The following COPS5 variants were observed in gnomAD, a reference collection of about 807,000 sequenced individuals.
COPS5 encodes the protein COP9 signalosome subunit 5.
COPS5 carries 8 observed loss-of-function variants against 44.4 expected under a neutral mutation model. That is an observed-to-expected ratio of 0.18 (90% CI 0.11 to 0.32). The LOEUF is 0.32. Ranked by LOEUF, COPS5 falls within the 10% of genes least tolerant of loss-of-function variation. The pLI is 1.00. For missense variants in COPS5, 159 were observed against 406.4 expected, an observed-to-expected ratio of 0.39 and a Z score of 5.23; for synonymous variants, 122 against 142.8, an observed-to-expected ratio of 0.85 and a Z score of 1.04.
chr8:67,044,148 T>G (rs970628728), intron 7 of COPS5: 2 of 152,136 alleles, frequency 1.3e-5, no homozygotes, highest in Non-Finnish European at 2.9e-5. Flanking sequence ...GCTCCAGTGA[T>G]TCTTGTGCCT....
chr8:67,050,861 T>C (rs1804404168), intron 6 of COPS5, among the ~76,000 whole-genome samples: 2 of 152,136 alleles, frequency 1.3e-5, no homozygotes, highest in Non-Finnish European at 2.9e-5. Context: ...CTTACACAAT[T>C]CCCTTTCTTG....
rs1467474459 is a variant in COPS5, at chr8:67,062,129, C to G, written c.-133G>C. ...ACCTAGACTCTTGGGGCAGCCATGA[C>G]ACCTAGAACCGGAGGTGAAGTTGGT... On this transcript the variant is annotated 5_prime_UTR_variant, in exon 1 of 8. Transcript: ENST00000357849. The G allele has an allele frequency of 1.3e-6, 2 of 1,544,522 alleles. No homozygotes were observed. Among genetic ancestry groups the G allele is most frequent in the South Asian group, 1.2e-5 (1 of 84,704 alleles).
intron 5 of COPS5, among the ~76,000 whole-genome samples, chr8:67,054,277 T>C (rs1189141054): frequency 1.3e-5 from 2 of 152,142 alleles, no homozygotes; most frequent in East Asian, 3.8e-4. Flanking sequence ...ACATAAACTG[T>C]CTCAATCTTT....
chr8:67,046,616 T>A (rs1008490047), intron 6 of COPS5, among the ~76,000 whole-genome samples: 2 of 151,212 alleles, frequency 1.3e-5, no homozygotes, highest in Admixed American at 6.6e-5. Context: ...AGGTCAGGAG[T>A]TCGAGACCAG....
intron 1 of COPS5, 58 bp downstream of exon 1, chr8:67,061,796 G>T: frequency 1.9e-6 from 3 of 1,563,372 alleles, no homozygotes; most frequent in Non-Finnish European, 2.6e-6. Flanking sequence ...TCTCCCTCTG[G>T]GTCTCTTAAA....
At chr8:67,054,590 G>A (rs949280308) in intron 5 of COPS5, among the ~76,000 whole-genome samples, 2 of 152,116 alleles carry the variant, frequency 1.3e-5, no homozygotes, top group African/African-American at 4.8e-5. Context: ...AAAGAGAATT[G>A]TATTTACAGA....
Position 67,051,213 on chromosome 8 carries a change from A to G in COPS5, c.771+17T>C, listed in dbSNP as rs762102403. The G allele has an allele frequency of 7.2e-6, 10 of 1,387,964 alleles. No individual in the cohort carries two copies. The highest frequency in any genetic ancestry group is 1.2e-5 in the South Asian group (1 of 86,598). 86.0% of individuals were successfully genotyped at this position (1,387,964 alleles called of 1,614,324 possible). A position where few individuals can be genotyped will look rare whatever the true frequency, so the allele number is the denominator to read the frequency against. ...TAGATAAAATTCAAATGCATTCTTT[A>G]CAAGTATAGTACTTACAGTAAGCAA... is the stretch of plus-strand genomic sequence containing the variant. On this transcript the variant is annotated intron_variant, in intron 6 of 7. Transcript: ENST00000357849.
chr8:67,056,916 T>C (rs915238349), intron 4 of COPS5, among the ~76,000 whole-genome samples: 18 of 151,978 alleles, frequency 1.2e-4, no homozygotes, highest in African/African-American at 3.9e-4. Context: ...CTAATAACTA[T>C]TTCAGATTGC....
At chr8:67,058,318 T>C (rs1024821757) in intron 2 of COPS5, 107 bp from the exon 3 acceptor site, 2 of 1,094,434 alleles carry the variant, frequency 1.8e-6, no homozygotes, top group Non-Finnish European at 1.3e-6. Context: ...TCTCCTCAAT[T>C]ACCCACTTTT....
rs761774214 is a variant in COPS5, at chr8:67,062,087, C to CT, written c.-92_-91insA. 3 of 1,591,916 alleles carry CT rather than the reference C, an allele frequency of 1.9e-6. No homozygotes were observed. Among genetic ancestry groups the CT allele is most frequent in the Non-Finnish European group, 2.6e-6 (3 of 1,171,448 alleles). ...GGGTGTGGGCCTTGACCCTCCGCACCACGGGAACAAACTCTTACCTAGACT... is the reference window on the plus strand; with the variant it reads ...GGGTGTGGGCCTTGACCCTCCGCACCTACGGGAACAAACTCTTACCTAGACT... On this transcript the variant is annotated 5_prime_UTR_variant, in exon 1 of 8. Transcript: ENST00000357849.
chr8:67,049,949 C>T (rs1292908102), intron 6 of COPS5, among the ~76,000 whole-genome samples: 2 of 151,526 alleles, frequency 1.3e-5, no homozygotes, highest in African/African-American at 2.4e-5. Context: ...TAATATCCTA[C>T]CAAATATGTT....
In COPS5 at chr8:67,051,118, GGT is replaced by G. The variant is rs538548070; in HGVS notation, c.771+110_771+111del. 8.2e-4 allele frequency: 590 copies of G among 719,172 alleles called. 2 individuals are homozygous for G. The highest frequency in any genetic ancestry group is 4.8e-3 in the Middle Eastern group (19 of 3,944). The allele number at this position is 719,172 out of a possible 1,614,324, so 44.5% of individuals were successfully genotyped here. A position where few individuals can be genotyped will look rare whatever the true frequency, so the allele number is the denominator to read the frequency against. On this transcript the variant is annotated intron_variant, in intron 6 of 7. Transcript: ENST00000357849. ...TGGTGCAGAATCCCACCCTAGCCCT[GGT>G]GTCTTGGCCAAGTCAGGTATAGCCT...
intron 2 of COPS5, among the ~76,000 whole-genome samples, chr8:67,058,420 T>C (rs1461584008): frequency 6.6e-6 from 1 of 152,198 alleles, no homozygotes; most frequent in Non-Finnish European, 1.5e-5. Flanking sequence ...CATACATAGA[T>C]TGATAAAAAC....
intron 5 of COPS5, among the ~76,000 whole-genome samples, chr8:67,052,725 C>A (rs1418044643): frequency 6.7e-6 from 1 of 148,692 alleles, no homozygotes; most frequent in Non-Finnish European, 1.5e-5. Context: ...GAGACGGAGG[C>A]AGAAGAATCG....
intron 5 of COPS5, among the ~76,000 whole-genome samples, chr8:67,054,095 C>G (rs1194191125): frequency 6.6e-6 from 1 of 151,800 alleles, no homozygotes; most frequent in East Asian, 1.9e-4. Context: ...GTAGCTATCC[C>G]TCTTTGGTAG....
At position 67,061,922 on chromosome 8, in the gene COPS5, G is replaced by C; in HGVS notation, c.75C>G (p.Ile25Met). Residue 25 changes from isoleucine (I) to methionine (M), a missense_variant, in exon 1 of 8, where the codon ATC (isoleucine) becomes ATG (methionine). Physicochemically the swap from Ile to Met is conservative, Grantham distance 10 (BLOSUM62 1). Transcript: ENST00000357849. The stretch of plus-strand genomic sequence containing the variant: ...TCTTGTCGTATTTGTAGATTTCATC[G>C]ATACTCTGAGCTTCCTGCATGTTGT... ...LANNMQEAQSIDEIYKYDKKQ... is the reference protein window; with the variant it reads ...LANNMQEAQSMDEIYKYDKKQ... 6.2e-7 allele frequency: 1 copy of C among 1,614,186 alleles called. No individual in the cohort carries two copies. The highest frequency in any genetic ancestry group is 8.5e-7 in the Non-Finnish European group (1 of 1,180,036).
chr8:67,061,224 T>TG, intron 1 of COPS5: 1 of 273,564 alleles, frequency 3.7e-6, no homozygotes, highest in Admixed American at 4.9e-5. Flanking sequence ...TTCTGGCTTA[T>TG]GGGAACTGGT....
chr8:67,043,265 C>T lies in COPS5; in HGVS notation c.973G>A (p.Asp325Asn), dbSNP rs776171390. 4 of 1,599,412 alleles carry T rather than the reference C, an allele frequency of 2.5e-6. No individual in the cohort carries two copies. The highest frequency in any genetic ancestry group is 3.4e-6 in the Non-Finnish European group (4 of 1,169,050). Reference protein sequence around the residue: ...IHGLMSQVIKDKLFNQINIS With the variant: ...IHGLMSQVIKNKLFNQINIS ...ATGTTAATTTGATTAAACAGTTTAT[C>T]CTTAATAACCTGAGACATCAATCCA... The change falls in exon 8 of 8, where the codon GAT (aspartate) becomes AAT (asparagine). Residue 325 changes from aspartate (D) to asparagine (N), a missense_variant. This residue lies in a region of COPS5 where 134 missense variants were observed against 376.7 expected (regional missense o/e 0.36). Transcript: ENST00000357849.
chr8:67,061,838 C>T lies in COPS5; in HGVS notation c.143+16G>A. The T allele has an allele frequency of 6.2e-7, 1 of 1,613,840 alleles. No homozygotes were observed. The highest frequency in any genetic ancestry group is 8.5e-7 in the Non-Finnish European group (1 of 1,179,812). On this transcript the variant is annotated intron_variant, in intron 1 of 7. Coordinates refer to ENST00000357849, the MANE Select transcript of COPS5 (RefSeq NM_006837.3). The stretch of plus-strand genomic sequence containing the variant: ...CACCCTTTCCCTCCCCTGCGTCTCG[C>T]CAGGGACCTCCTCACTCCTTAGTCC...
Sources: gnomAD v4.1 joint callset for allele counts (sites outside exome capture counted in the v4.1 genomes callset) on GRCh38, gnomAD v4.1.1 for gene constraint, gnomAD v4.1.1 regional missense constraint, MANE v1.5 for transcripts, NCBI Gene and HGNC (gene_info 2026-07-23, HGNC 2026-07-21) for gene names.